The following SPACA1 variants were observed in gnomAD, a reference collection of about 807,000 sequenced individuals.
The protein encoded by SPACA1 is sperm acrosome membrane-associated protein 1.
A neutral mutation model predicts 32.6 loss-of-function variants in SPACA1; 17 were observed. The ratio of observed to expected loss-of-function variants is 0.52; its 90% CI spans 0.36 to 0.78. The LOEUF is 0.78. Ranked by LOEUF, SPACA1 falls within the 30% of genes least tolerant of loss-of-function variation. The pLI is 0.01. For synonymous variants in SPACA1, 140 were observed against 138.1 expected, an observed-to-expected ratio of 1.01 and a Z score of -0.10; for missense variants, 363 against 373.4, an observed-to-expected ratio of 0.97 and a Z score of 0.23.
chr6:88,047,990 G>T lies in SPACA1; in HGVS notation c.85G>T (p.Gly29Trp). Residue 29 changes from glycine to tryptophan, a missense_variant, in exon 1 of 7, where the codon GGG becomes TGG. Coordinates refer to ENST00000237201, the MANE Select transcript of SPACA1 (RefSeq NM_030960.3). ...TCTGGCGGGCCTCCAGTCCGCGCGC[G>T]GGACCAACGTCACCGCTGCCGTCCA... ...LLLAGLQSAR[G>W]TNVTAAVQDA... 1.3e-6 allele frequency: 2 copies of T among 1,575,430 alleles called. No homozygotes were observed. The highest frequency in any genetic ancestry group is 1.7e-6 in the Non-Finnish European group (2 of 1,162,524).
intron 1 of SPACA1, among the ~76,000 whole-genome samples, chr6:88,051,174 A>G (rs553732263): frequency 2.0e-5 from 3 of 152,204 alleles, no homozygotes; most frequent in Admixed American, 6.5e-5. Context: ...ATAGATTTAT[A>G]TCCTTATACT....
At chr6:88,051,414 A>G (rs910209620) in intron 1 of SPACA1, among the ~76,000 whole-genome samples, 6 of 152,220 alleles carry the variant, frequency 3.9e-5, no homozygotes, top group African/African-American at 1.4e-4. Context: ...TTTCAAATCA[A>G]CTGTCAGAAA....
intron 2 of SPACA1, among the ~76,000 whole-genome samples, chr6:88,055,752 C>T (rs1775797558): frequency 6.6e-6 from 1 of 152,096 alleles, no homozygotes; most frequent in East Asian, 1.9e-4. Flanking sequence ...GGGTGGATCA[C>T]GAGGTCCAGA....
intron 5 of SPACA1, among the ~76,000 whole-genome samples, chr6:88,061,244 A>G (rs1383900541): frequency 1.3e-5 from 2 of 152,148 alleles, no homozygotes; most frequent in Non-Finnish European, 2.9e-5. Flanking sequence ...CTCCCACAAT[A>G]GTTGTCTTTC....
chr6:88,064,079 G>A lies in SPACA1; in HGVS notation c.611-20G>A. 6.2e-7 allele frequency: 1 copy of A among 1,610,592 alleles called. No individual in the cohort carries two copies. The highest frequency in any genetic ancestry group is 8.5e-7 in the Non-Finnish European group (1 of 1,178,754). ...TTTTCCTCAGTAGTAATACTCCTTA[G>A]GTTTGTGTGTTTTCTCTAGAATTGC... On this transcript the variant is annotated intron_variant, in intron 5 of 6. Coordinates refer to ENST00000237201, the MANE Select transcript of SPACA1 (RefSeq NM_030960.3).
rs1343647114 is a variant in SPACA1, at chr6:88,048,177, C to A, written c.208+64C>A. On this transcript the variant is annotated intron_variant, in intron 1 of 6. Transcript: ENST00000237201. ...CCTGTTGACGGAGCAAAGGCCTGCT[C>A]TTTGCCTGAGAACCATAATTATGTG... 4 of 1,463,628 alleles carry A rather than the reference C, an allele frequency of 2.7e-6. No individual in the cohort carries two copies. The East Asian group carries it at 9.8e-5, about 36-fold the overall frequency. The allele number at this position is 1,463,628 out of a possible 1,614,324, so 90.7% of individuals were successfully genotyped here.
chr6:88,064,728 A>G (rs1191709621), intron 6 of SPACA1, among the ~76,000 whole-genome samples: 2 of 149,740 alleles, frequency 1.3e-5, no homozygotes. Flanking sequence ...TATATGTTTT[A>G]TATATATGTA....
chr6:88,054,905 C>G (rs970567315), intron 2 of SPACA1, among the ~76,000 whole-genome samples: 5 of 152,154 alleles, frequency 3.3e-5, no homozygotes, highest in Admixed American at 6.5e-5. Context: ...CTTGTGCAAC[C>G]ATCACAACCG....
In SPACA1 at chr6:88,058,696, T is replaced by C. The variant is rs769723024; in HGVS notation, c.368-20T>C. 39 of 1,552,404 alleles carry C rather than the reference T, an allele frequency of 2.5e-5. No homozygotes were observed. The South Asian group carries it at 4.4e-4, about 18-fold the overall frequency. ...AATTTATAATGCCCAATGGTATTTA[T>C]GTGCTTAATTTTTTTTCAGGGGGTA... is the stretch of plus-strand genomic sequence containing the variant. On this transcript the variant is annotated intron_variant, in intron 3 of 6. Coordinates refer to ENST00000237201, the MANE Select transcript of SPACA1 (RefSeq NM_030960.3).
intron 5 of SPACA1, among the ~76,000 whole-genome samples, chr6:88,061,860 C>T (rs748745419): frequency 6.6e-6 from 1 of 152,072 alleles, no homozygotes; most frequent in African/African-American, 2.4e-5. Flanking sequence ...GGAAATTGAG[C>T]CTATTTTTTT....
chr6:88,064,132 C>A lies in SPACA1; in HGVS notation c.644C>A (p.Thr215Asn), dbSNP rs775839020. 7 of 1,613,400 alleles carry A rather than the reference C, an allele frequency of 4.3e-6. No individual in the cohort carries two copies. The South Asian group carries it at 6.6e-5, about 15-fold the overall frequency. Residue 215 changes from threonine (T) to asparagine (N), a missense_variant, in exon 6 of 7, where the codon ACT becomes AAT. Transcript: ENST00000237201. ...ATGAGAAGATCAAGCCTACCAGCCACTGATGCAGCCCTAATTTTTGTGCTG... is the reference window on the plus strand; with the variant it reads ...ATGAGAAGATCAAGCCTACCAGCCAATGATGCAGCCCTAATTTTTGTGCTG... ...LQMRRSSLPATDAALIFVLTI... is the reference protein window; with the variant it reads ...LQMRRSSLPANDAALIFVLTI...
chr6:88,054,069 T>C (rs1008642049), intron 2 of SPACA1, 67 bp downstream of exon 2: 5 of 1,429,156 alleles, frequency 3.5e-6, no homozygotes, highest in East Asian at 2.3e-5. Flanking sequence ...TAAAAGCAGA[T>C]AGTGTGCAAC....
At chr6:88,053,885 G>A (rs1775766413) in intron 1 of SPACA1, 61 bp from the exon 2 acceptor site, 14 of 1,371,156 alleles carry the variant, frequency 1.0e-5, no homozygotes, top group Non-Finnish European at 1.2e-5. Context: ...CAAGTAAGAG[G>A]TGTTTCACTT....
rs1775943231 is a variant in SPACA1, at chr6:88,064,211, C to A, written c.723C>A (p.Ile241=). The part of the protein sequence containing the change: ...VFIIFLLIFI[I]INWAAVKAFW... ...TAATTTTCTTATTGATCTTCATAAT[C>A]ATAAATTGGTAGGTGAATAGTGGAA... Residue 241 remains isoleucine, a synonymous_variant, in exon 6 of 7, where the codon ATC becomes ATA. Coordinates refer to ENST00000237201, the MANE Select transcript of SPACA1 (RefSeq NM_030960.3). 1 of 1,610,564 alleles carries A rather than the reference C, an allele frequency of 6.2e-7. No homozygotes were observed. The highest frequency in any genetic ancestry group is 1.1e-5 in the South Asian group (1 of 90,410).
intron 5 of SPACA1, among the ~76,000 whole-genome samples, chr6:88,060,445 A>G (rs1775875407): frequency 6.6e-6 from 1 of 152,190 alleles, no homozygotes; most frequent in African/African-American, 2.4e-5. Flanking sequence ...TCTTGAAGCT[A>G]TTTCTGAACA....
chr6:88,055,371 T>G (rs1775791021), intron 2 of SPACA1, among the ~76,000 whole-genome samples: 1 of 152,162 alleles, frequency 6.6e-6, no homozygotes, highest in African/African-American at 2.4e-5. Context: ...ATGTATAGTT[T>G]AGTAAGAGCA....
chr6:88,056,641 G>C (rs1260389185), intron 2 of SPACA1, among the ~76,000 whole-genome samples: 1 of 152,160 alleles, frequency 6.6e-6, no homozygotes, highest in African/African-American at 2.4e-5. Flanking sequence ...GCAGTTATAA[G>C]ACACCTCTAG....
In SPACA1 at chr6:88,063,589, G is replaced by A. The variant is rs375466812; in HGVS notation, c.611-510G>A. Among the ~76,000 whole-genome samples the A allele has an allele frequency of 1.0e-3, 156 of 152,074 alleles. 2 individuals carry two copies. Among genetic ancestry groups the A allele is most frequent in the African/African-American group, 3.7e-3 (152 of 41,492 alleles). On this transcript the variant is annotated intron_variant, in intron 5 of 6. Coordinates refer to ENST00000237201, the MANE Select transcript of SPACA1 (RefSeq NM_030960.3). ...GAAGAGGCTCAAGGGAACTTTCTGGGGTATAGTAATATTCTATATCTTGAC... is the reference window on the plus strand; with the variant it reads ...GAAGAGGCTCAAGGGAACTTTCTGGAGTATAGTAATATTCTATATCTTGAC...
chr6:88,057,481 C>G, intron 2 of SPACA1, 131 bp from the exon 3 acceptor site: 1 of 603,464 alleles, frequency 1.7e-6, no homozygotes, highest in South Asian at 2.5e-5. Context: ...TAAGTGTTAT[C>G]GTTCTGAATT....
Sources: allele counts gnomAD v4.1 joint callset (sites outside exome capture counted in the v4.1 genomes callset), GRCh38; gene constraint gnomAD v4.1.1; transcripts MANE v1.5; gene names NCBI Gene and HGNC (gene_info 2026-07-23, HGNC 2026-07-21).